The following ENTREP2 variants were observed in gnomAD, a reference collection of about 807,000 sequenced individuals.
ENTREP2 encodes endosomal transmembrane epsin interactor 2.
the ENTREP2 span, among the ~76,000 whole-genome samples, chr15:29,493,354 C>T: frequency 6.6e-6 from 1 of 150,964 alleles, no homozygotes; most frequent in African/African-American, 2.4e-5. Context: ...GGGATGGTCT[C>T]GATCTCCTGA....
At chr15:29,306,189 C>T in the ENTREP2 span, among the ~76,000 whole-genome samples, 1 of 152,218 alleles carries the variant, frequency 6.6e-6, no homozygotes, top group Non-Finnish European at 1.5e-5. Flanking sequence ...TACAGGCTGA[C>T]TGTGGGAGGC....
the ENTREP2 span, among the ~76,000 whole-genome samples, chr15:29,611,433 C>T: frequency 6.6e-6 from 1 of 152,084 alleles, no homozygotes; most frequent in African/African-American, 2.4e-5. Context: ...TTTTCTGCTC[C>T]TTGACACAGA....
the ENTREP2 span, among the ~76,000 whole-genome samples, chr15:29,444,236 AAGAAAGAAAG>A: frequency 1.4e-5 from 2 of 139,608 alleles, no homozygotes; most frequent in Non-Finnish European, 3.2e-5. Flanking sequence ...GAAAGAAAGA[AAGAAAGAAAG>A]AAAGAGAAAG....
chr15:29,641,088 T>C, the ENTREP2 span, among the ~76,000 whole-genome samples: 2 of 152,272 alleles, frequency 1.3e-5, no homozygotes, highest in South Asian at 4.1e-4. Flanking sequence ...ACAATCTTAA[T>C]AGATGCAAAA....
the ENTREP2 span, among the ~76,000 whole-genome samples, chr15:29,282,439 C>T: frequency 1.3e-5 from 2 of 152,138 alleles, no homozygotes; most frequent in African/African-American, 4.8e-5. Flanking sequence ...ATCAGCAGCA[C>T]AAAAACAGAC....
At chr15:29,347,334 A>C in the ENTREP2 span, among the ~76,000 whole-genome samples, 14 of 151,712 alleles carry the variant, frequency 9.2e-5, no homozygotes, top group Non-Finnish European at 1.5e-4. Flanking sequence ...GGCTAATTTT[A>C]TTTTATTTTA....
the ENTREP2 span, among the ~76,000 whole-genome samples, chr15:29,211,854 T>C: frequency 6.6e-6 from 1 of 152,226 alleles, no homozygotes; most frequent in Non-Finnish European, 1.5e-5. Context: ...GATTATCTTT[T>C]GATATGTTGT....
At chr15:29,183,290 A>G in the ENTREP2 span, among the ~76,000 whole-genome samples, 1 of 152,212 alleles carries the variant, frequency 6.6e-6, no homozygotes, top group African/African-American at 2.4e-5. Context: ...ACAAATAGCC[A>G]TCAGTCACAC....
chr15:29,674,672 G>C, the ENTREP2 span, among the ~76,000 whole-genome samples: 30 of 151,826 alleles, frequency 2.0e-4, no homozygotes, highest in Non-Finnish European at 2.8e-4. Context: ...GTAAAAGAAC[G>C]GGCACTTTTC....
chr15:29,318,153 T>C, the ENTREP2 span, among the ~76,000 whole-genome samples: 2 of 152,296 alleles, frequency 1.3e-5, 1 homozygote, highest in East Asian at 3.9e-4. Context: ...CTTCGTTGCA[T>C]TGCACTGCAC....
chr15:29,394,087 T>G, the ENTREP2 span, among the ~76,000 whole-genome samples: 1 of 152,148 alleles, frequency 6.6e-6, no homozygotes, highest in Non-Finnish European at 1.5e-5. Flanking sequence ...GATGAATGTA[T>G]AAGGTTTTTT....
the ENTREP2 span, among the ~76,000 whole-genome samples, chr15:29,464,886 A>G: frequency 6.6e-6 from 1 of 152,180 alleles, no homozygotes; most frequent in African/African-American, 2.4e-5. Context: ...GAGCCTCCCA[A>G]TCAAGATGAG....
the ENTREP2 span, among the ~76,000 whole-genome samples, chr15:29,624,592 A>G: frequency 6.6e-6 from 1 of 152,206 alleles, no homozygotes; most frequent in Non-Finnish European, 1.5e-5. Context: ...GAACTGCATG[A>G]GCTCTAACTA....
chr15:29,281,785 G>C, the ENTREP2 span, among the ~76,000 whole-genome samples: 3 of 152,212 alleles, frequency 2.0e-5, no homozygotes, highest in South Asian at 2.1e-4. Flanking sequence ...CTGTAGACTA[G>C]GGAGTCCCAA....
the ENTREP2 span, among the ~76,000 whole-genome samples, chr15:29,656,506 C>G: frequency 1.3e-5 from 2 of 152,160 alleles, no homozygotes; most frequent in Admixed American, 6.5e-5. Flanking sequence ...CAATTACAGG[C>G]GTGGGCCACT....
chr15:29,374,506 T>C, the ENTREP2 span: 1 of 152,182 alleles, frequency 6.6e-6, no homozygotes, highest in Non-Finnish European at 1.5e-5. Context: ...TCCTTTACAG[T>C]ATTTTCACAC....
At chr15:29,346,119 C>A in the ENTREP2 span, among the ~76,000 whole-genome samples, 75 of 152,298 alleles carry the variant, frequency 4.9e-4, 2 homozygotes, top group African/African-American at 1.7e-3. Context: ...GCAGAAGCTG[C>A]GCTGCACAAC....
At chr15:29,235,704 G>A in the ENTREP2 span, among the ~76,000 whole-genome samples, 1 of 152,146 alleles carries the variant, frequency 6.6e-6, no homozygotes, top group Non-Finnish European at 1.5e-5. Context: ...GTTAGCTCAC[G>A]CCTGTAAACC....
At chr15:29,244,237 T>C in the ENTREP2 span, among the ~76,000 whole-genome samples, 2 of 152,186 alleles carry the variant, frequency 1.3e-5, no homozygotes, top group African/African-American at 2.4e-5. Context: ...AAAATTTACA[T>C]GCATCTTGAT....
Sources: allele counts gnomAD v4.1 joint callset (sites outside exome capture counted in the v4.1 genomes callset), GRCh38; gene constraint gnomAD v4.1.1; transcripts MANE v1.5; gene names NCBI Gene and HGNC (gene_info 2026-07-23, HGNC 2026-07-21).